DOCK5: variants seen among roughly 807,000 people sequenced by gnomAD.
DOCK5 encodes the protein dedicator of cytokinesis 5.
A neutral mutation model predicts 251.8 loss-of-function variants in DOCK5; 142 were observed. That is an observed-to-expected ratio of 0.56 (90% CI 0.49 to 0.65). The LOEUF is 0.65. Among genes scored for constraint, DOCK5 ranks in the 30% least tolerant of loss-of-function variants. The pLI, the probability that DOCK5 is intolerant of heterozygous loss-of-function variation, is 0.00. For synonymous variants in DOCK5, 842 were observed against 835.5 expected (o/e 1.01, Z -0.13); for missense variants, 2,111 against 2,312.3 (o/e 0.91, Z 1.79).
At chr8:25,243,077 C>T (rs973926285) in intron 1 of DOCK5, among the ~76,000 whole-genome samples, 44 of 152,154 alleles carry the variant, frequency 2.9e-4, no homozygotes, top group Non-Finnish European at 5.0e-4. Flanking sequence ...CTAGTTATTT[C>T]TGTGATTATA....
chr8:25,333,945 A>C (rs1248476757), intron 20 of DOCK5, 151 bp from the exon 21 acceptor site: 2 of 637,178 alleles, frequency 3.1e-6, no homozygotes, highest in Non-Finnish European at 5.6e-6. Flanking sequence ...TACAATCCTC[A>C]AGACTTGACA....
At chr8:25,201,068 G>C (rs995311619) in intron 1 of DOCK5, among the ~76,000 whole-genome samples, 1 of 152,098 alleles carries the variant, frequency 6.6e-6, no homozygotes, top group Non-Finnish European at 1.5e-5. Context: ...CACCATGCCC[G>C]GCTAATTTTT....
chr8:25,290,308 T>C (rs1717165716), intron 5 of DOCK5, among the ~76,000 whole-genome samples: 1 of 152,174 alleles, frequency 6.6e-6, no homozygotes, highest in South Asian at 2.1e-4. Flanking sequence ...TGATAGCTGA[T>C]GAGCTAAAAA....
At chr8:25,225,007 A>G (rs1802493740) in intron 1 of DOCK5, among the ~76,000 whole-genome samples, 1 of 152,254 alleles carries the variant, frequency 6.6e-6, no homozygotes, top group African/African-American at 2.4e-5. Context: ...ACCACTAAGC[A>G]GTATGGAAAC....
At chr8:25,218,447 C>T (rs1802304875) in intron 1 of DOCK5, among the ~76,000 whole-genome samples, 1 of 152,178 alleles carries the variant, frequency 6.6e-6, no homozygotes, top group Non-Finnish European at 1.5e-5. Context: ...CTGCTTGCCT[C>T]CATAGTGCCT....
intron 1 of DOCK5, among the ~76,000 whole-genome samples, chr8:25,224,968 G>A (rs1201115692): frequency 6.6e-6 from 1 of 152,106 alleles, no homozygotes; most frequent in African/African-American, 2.4e-5. Context: ...ATATGTAAAT[G>A]GCCACGAGCA....
intron 21 of DOCK5, among the ~76,000 whole-genome samples, chr8:25,335,632 CAAAGTCTAAGGGATAGCACA>C (rs1406880020): frequency 6.6e-6 from 1 of 152,046 alleles, no homozygotes; most frequent in African/African-American, 2.4e-5. Flanking sequence ...CAGTGCCCTC[CAAAGTCTAAGGGATAGCACA>C]AAATGAAGAC....
rs1800963375 is a variant in DOCK5, at chr8:25,376,339, A to G, written c.3817-966A>G. On this transcript the variant is annotated intron_variant, in intron 37 of 51. Coordinates refer to ENST00000276440, the MANE Select transcript of DOCK5 (RefSeq NM_024940.8). ...AATAGAGATGCTGTTTGTTAAGTAT[A>G]GTTCACATTTTGCTTATTGGTATAA... is the stretch of plus-strand genomic sequence containing the variant. The G allele has an allele frequency of 5.1e-6, 5 of 985,162 alleles. No homozygotes were observed. In the South Asian group the frequency reaches 2.3e-4, roughly 46 times the overall value. 61.0% of individuals were successfully genotyped at this position (985,162 alleles called of 1,614,324 possible).
At chr8:25,262,810 A>C (rs1039667481) in intron 2 of DOCK5, among the ~76,000 whole-genome samples, 5 of 151,880 alleles carry the variant, frequency 3.3e-5, no homozygotes, top group African/African-American at 1.2e-4. Context: ...TAGAAAAGCA[A>C]ATATAGATAC....
At chr8:25,372,529 G>A (rs765513160) in intron 34 of DOCK5, 30 bp from the exon 35 acceptor site, 12 of 1,547,974 alleles carry the variant, frequency 7.8e-6, no homozygotes, top group Non-Finnish European at 1.0e-5. Flanking sequence ...CATGGAACCT[G>A]GGCTTTTGTC....
chr8:25,271,021 A>G (rs1309063620), intron 3 of DOCK5: 5 of 444,044 alleles, frequency 1.1e-5, no homozygotes, highest in Non-Finnish European at 1.6e-5. Flanking sequence ...TTTTTTTTCT[A>G]TATTTTTAAT....
chr8:25,214,409 G>A (rs546515480), intron 1 of DOCK5, among the ~76,000 whole-genome samples: 9 of 152,290 alleles, frequency 5.9e-5, no homozygotes, highest in African/African-American at 1.7e-4. Flanking sequence ...CTGGGCACAT[G>A]AGTGGGGAAG....
In DOCK5 at chr8:25,325,460, C is replaced by G. The variant is rs1037031932; in HGVS notation, c.1816C>G (p.Leu606Val). 6.8e-6 allele frequency: 11 copies of G among 1,613,784 alleles called. No homozygotes were observed. The highest frequency in any genetic ancestry group is 2.7e-5 in the African/African-American group (2 of 74,910). ...AAAAGAGCTTCAAGCATCCAAAAAC[C>G]TGGTCACCTTCACCCCAAGCAAGGA... ...EEKELQASKN[L>V]VTFTPSKDST... is the part of the protein sequence containing the mutation. Residue 606 changes from leucine to valine, a missense_variant, in exon 18 of 52, where the codon CTG becomes GTG. Around this residue, in one of 3 missense-constraint regions of DOCK5, gnomAD observed 1,717 missense variants for 1,892.4 expected, o/e 0.91. Transcript: ENST00000276440.
intron 1 of DOCK5, among the ~76,000 whole-genome samples, chr8:25,200,659 A>G (rs1207077066): frequency 6.6e-6 from 1 of 152,214 alleles, no homozygotes; most frequent in Non-Finnish European, 1.5e-5. Flanking sequence ...CATTTTTGTT[A>G]CCTTAGAATA....
intron 12 of DOCK5, 93 bp from the exon 13 acceptor site, chr8:25,310,314 T>A: frequency 7.6e-7 from 1 of 1,318,956 alleles, no homozygotes; most frequent in East Asian, 2.4e-5. Context: ...AGTAAGGTTG[T>A]GACTATACAA....
chr8:25,409,990 C>T, intron 50 of DOCK5, 109 bp from the exon 51 acceptor site: 1 of 828,794 alleles, frequency 1.2e-6, no homozygotes, highest in Non-Finnish European at 1.9e-6. Flanking sequence ...ATGTGGCTTT[C>T]ATCAGTTGGT....
chr8:25,189,285 TG>T (rs1801516785), intron 1 of DOCK5, among the ~76,000 whole-genome samples: 1 of 152,180 alleles, frequency 6.6e-6, no homozygotes, highest in South Asian at 2.1e-4. Flanking sequence ...CTGGAACTCT[TG>T]GCCTCGTGTG....
intron 4 of DOCK5, among the ~76,000 whole-genome samples, chr8:25,276,153 G>A (rs1804039529): frequency 6.6e-6 from 1 of 152,152 alleles, no homozygotes; most frequent in Admixed American, 6.5e-5. Context: ...TTGAGAGAGA[G>A]ATGATTAAGC....
chr8:25,359,192 G>A, intron 28 of DOCK5, 131 bp downstream of exon 28: 1 of 738,072 alleles, frequency 1.4e-6, no homozygotes, highest in Non-Finnish European at 2.3e-6. Context: ...GCTGTCCACA[G>A]TGATTACAGA....
Sources: gnomAD v4.1 joint callset for allele counts (sites outside exome capture counted in the v4.1 genomes callset) on GRCh38, gnomAD v4.1.1 for gene constraint, gnomAD v4.1.1 regional missense constraint, MANE v1.5 for transcripts, NCBI Gene and HGNC (gene_info 2026-07-23, HGNC 2026-07-21) for gene names.